ESRRB: variants seen among roughly 807,000 people sequenced by gnomAD.
The protein encoded by ESRRB is steroid hormone receptor ERR2.
A neutral mutation model predicts 46.0 loss-of-function variants in ESRRB; 16 were observed. That is an observed-to-expected ratio of 0.35 (90% CI 0.24 to 0.53). The LOEUF (loss-of-function observed/expected upper bound fraction) is 0.53. ESRRB is among the 20% of genes least tolerant of loss of function. The pLI is 0.93. For synonymous variants in ESRRB, 246 were observed against 259.6 expected (o/e 0.95, Z 0.50); for missense variants, 488 against 607.4 (o/e 0.80, Z 2.07).
rs1491179655 is a variant in ESRRB, at chr14:76,420,593, GTT to G, written c.51-18746_51-18745del. 3.0e-3 allele frequency among the ~76,000 whole-genome samples: 427 copies of G among 143,622 alleles called. 4 individuals carry two copies. Among genetic ancestry groups the G allele is most frequent in the African/African-American group, 9.9e-3 (396 of 39,864 alleles). The allele number at this position is 143,622 out of a possible 152,430, so 94.2% of individuals were successfully genotyped here. A position where few individuals can be genotyped will look rare whatever the true frequency, so the allele number is the denominator to read the frequency against. Reference sequence around the variant, plus strand: ...TGTGTGTGTGTGTGTGTGTGTGTGTGTTTGTGTATGAGAGAGAGAGAGAGAGA... The same window carrying G: ...TGTGTGTGTGTGTGTGTGTGTGTGTGTGTGTATGAGAGAGAGAGAGAGAGA... On this transcript the variant is annotated intron_variant, in intron 1 of 6. Coordinates refer to ENST00000644823, the MANE Select transcript of ESRRB (RefSeq NM_001379180.1).
chr14:76,413,822 C>T (rs943943276), intron 1 of ESRRB, among the ~76,000 whole-genome samples: 1 of 150,326 alleles, frequency 6.7e-6, no homozygotes, highest in African/African-American at 2.5e-5. Flanking sequence ...GCGGCCCCCG[C>T]ACCGTCCCCC....
chr14:76,400,218 G>A (rs768266796), intron 1 of ESRRB, among the ~76,000 whole-genome samples: 11 of 152,166 alleles, frequency 7.2e-5, no homozygotes, highest in East Asian at 1.9e-4. Flanking sequence ...GTGTACTGCC[G>A]TCCTTTGACA....
chr14:76,447,801 G>T (rs972628666), intron 2 of ESRRB, among the ~76,000 whole-genome samples: 16 of 152,022 alleles, frequency 1.1e-4, no homozygotes, highest in Non-Finnish European at 1.8e-4. Context: ...CCAGCAGCTT[G>T]TCTTCCTTCC....
In ESRRB at chr14:76,500,537, T is replaced by C. The variant is rs1182809647; in HGVS notation, c.*2079T>C. On this transcript the variant is annotated 3_prime_UTR_variant, in exon 7 of 7. Coordinates refer to ENST00000644823, the MANE Select transcript of ESRRB (RefSeq NM_001379180.1). ...CGGAGAAACCTTCACAGTAGAGACC[T>C]TGGGGTGTGTGCTTTGGGACTCCCT... 3 of 730,328 alleles carry C rather than the reference T, an allele frequency of 4.1e-6. No homozygotes were observed. The highest frequency in any genetic ancestry group is 4.9e-6 in the Non-Finnish European group (2 of 408,660). 45.2% of individuals were successfully genotyped at this position (730,328 alleles called of 1,614,324 possible).
upstream of ESRRB, among the ~76,000 whole-genome samples, chr14:76,372,244 G>T (rs1306768423): frequency 6.6e-6 from 1 of 152,158 alleles, no homozygotes; most frequent in Non-Finnish European, 1.5e-5. Flanking sequence ...TGTACCCAGG[G>T]AAATAGAGGC....
intron 1 of ESRRB, among the ~76,000 whole-genome samples, chr14:76,382,139 C>T (rs145838959): frequency 2.7e-4 from 41 of 152,286 alleles, no homozygotes; most frequent in Non-Finnish European, 5.0e-4. Context: ...GAGTTTCCAC[C>T]GTGGGAAACC....
intron 1 of ESRRB, among the ~76,000 whole-genome samples, chr14:76,416,762 C>A (rs112632754): frequency 6.6e-6 from 1 of 152,186 alleles, no homozygotes; most frequent in Non-Finnish European, 1.5e-5. Context: ...AGCCACTATT[C>A]CTGGCCCATC....
Position 76,417,053 on chromosome 14 carries a change from C to T in ESRRB, c.51-22288C>T, listed in dbSNP as rs144623683. 7.8e-3 allele frequency among the ~76,000 whole-genome samples: 1,187 copies of T among 152,232 alleles called. 7 individuals are homozygous for T. The highest frequency in any genetic ancestry group is 0.013 in the Non-Finnish European group (887 of 68,010). On this transcript the variant is annotated intron_variant, in intron 1 of 6. Coordinates refer to ENST00000644823, the MANE Select transcript of ESRRB (RefSeq NM_001379180.1). Reference sequence around the variant, plus strand: ...TCAGGAGGCTGAGACAGGAGAATCGCTTGAACCCAGAAGGCGGAGGCTGCA... The same window carrying T: ...TCAGGAGGCTGAGACAGGAGAATCGTTTGAACCCAGAAGGCGGAGGCTGCA...
At chr14:76,473,018 C>G (rs180856277) in intron 3 of ESRRB, among the ~76,000 whole-genome samples, 2 of 152,186 alleles carry the variant, frequency 1.3e-5, no homozygotes, top group Admixed American at 1.3e-4. Context: ...AAGTCTGTGC[C>G]GTTCAAAGGC....
chr14:76,467,498 CT>C (rs935868911), intron 3 of ESRRB, among the ~76,000 whole-genome samples: 1 of 95,090 alleles, frequency 1.1e-5, no homozygotes. Context: ...AAGCCTCTGT[CT>C]CAAAAAAAAA....
chr14:76,485,233 A>ATTTTTTTTTTTTTTTT (rs34504939), intron 5 of ESRRB, among the ~76,000 whole-genome samples: 1 of 91,858 alleles, frequency 1.1e-5, no homozygotes, highest in Non-Finnish European at 2.1e-5. Context: ...CAAATGCCTG[A>ATTTTTTTTTTTTTTTT]TTTTTTTTTT....
chr14:76,364,418 G>A (rs1566860929), intron 1 of ESRRB, among the ~76,000 whole-genome samples: 3 of 152,182 alleles, frequency 2.0e-5, no homozygotes, highest in Non-Finnish European at 4.4e-5. Flanking sequence ...GCCAGGCGCA[G>A]TGGCTCACGC....
At position 76,441,567 on chromosome 14, in the gene ESRRB, T is replaced by C. The variant is rs79863631; in HGVS notation, c.460+1817T>C. The stretch of plus-strand genomic sequence containing the variant: ...GCTCAAATGATCCACTTGGGCCCAC[T>C]TTGGCCTCCCAAAGTGCTGGGATTA... On this transcript the variant is annotated intron_variant, in intron 2 of 6. Transcript: ENST00000644823. 7.4e-3 allele frequency among the ~76,000 whole-genome samples: 1,125 copies of C among 152,270 alleles called. 7 individuals are homozygous for C. The highest frequency in any genetic ancestry group is 0.013 in the Non-Finnish European group (895 of 67,998).
intron 3 of ESRRB, among the ~76,000 whole-genome samples, chr14:76,477,024 G>A (rs1252461454): frequency 2.0e-5 from 3 of 151,768 alleles, no homozygotes; most frequent in African/African-American, 4.8e-5. Context: ...CCTGGGAGGC[G>A]GAGGTTGCAG....
intron 2 of ESRRB, among the ~76,000 whole-genome samples, chr14:76,450,201 T>C (rs1466322317): frequency 6.6e-6 from 1 of 152,034 alleles, no homozygotes; most frequent in Non-Finnish European, 1.5e-5. Flanking sequence ...AGGTGACTTT[T>C]AAAGGAAGCT....
At chr14:76,402,263 A>T (rs534975102) in intron 1 of ESRRB, among the ~76,000 whole-genome samples, 2 of 152,346 alleles carry the variant, frequency 1.3e-5, no homozygotes, top group African/African-American at 4.8e-5. Flanking sequence ...GGCCCGGTCA[A>T]GTTGACACTC....
At chr14:76,484,433 C>T (rs1889925882) in intron 5 of ESRRB, among the ~76,000 whole-genome samples, 1 of 152,198 alleles carries the variant, frequency 6.6e-6, no homozygotes, top group Non-Finnish European at 1.5e-5. Flanking sequence ...TGGGGTCAGG[C>T]CACTGCTTAA....
chr14:76,411,354 A>G (rs185356805), intron 1 of ESRRB, among the ~76,000 whole-genome samples: 72 of 152,178 alleles, frequency 4.7e-4, no homozygotes, highest in African/African-American at 1.7e-3. Flanking sequence ...AGGCCGAGGC[A>G]GGAGAATCAC....
intron 2 of ESRRB, among the ~76,000 whole-genome samples, chr14:76,449,998 A>T (rs775675666): frequency 1.3e-5 from 2 of 152,142 alleles, no homozygotes; most frequent in Non-Finnish European, 2.9e-5. Context: ...GGGCTCAAGC[A>T]TTCCTATGGC....
Sources: allele counts gnomAD v4.1 joint callset (sites outside exome capture counted in the v4.1 genomes callset), GRCh38; gene constraint gnomAD v4.1.1; transcripts MANE v1.5; gene names NCBI Gene and HGNC (gene_info 2026-07-23, HGNC 2026-07-21).